GRIK2: variants seen among roughly 807,000 people sequenced by gnomAD.
GRIK2 encodes the protein glutamate ionotropic receptor kainate type subunit 2, also known as glutamate receptor ionotropic, kainate 2.
Under a neutral mutation model 100.3 loss-of-function variants are expected in GRIK2, and 32 were observed. The ratio of observed to expected loss-of-function variants is 0.32; its 90% CI spans 0.24 to 0.43. The LOEUF is 0.43. GRIK2 is among the 20% of genes least tolerant of loss of function. The probability of loss-of-function intolerance (pLI) is 1.00; values close to 1 mark genes in which losing one functional copy is unlikely to be tolerated. For synonymous variants in GRIK2, 417 were observed against 389.4 expected (o/e 1.07, Z -0.83); for missense variants, 843 against 1,114.9 (o/e 0.76, Z 3.47).
rs1277326526 is a variant in GRIK2, at chr6:101,955,611, TCTCTC to T, written c.2085+26981_2085+26985del. 3.5e-5 allele frequency among the ~76,000 whole-genome samples: 4 copies of T among 115,602 alleles called. No homozygotes were observed. The East Asian group carries it at 9.6e-4, about 28-fold the overall frequency. The allele number at this position is 115,602 out of a possible 152,430, so 75.8% of individuals were successfully genotyped here. ...CTCTCTCTCTCTCTCTCTCTCTCTC[TCTCTC>T]CCCCCCATTTCTTTTACAGTCAGAT... is the stretch of plus-strand genomic sequence containing the variant. On this transcript the variant is annotated intron_variant, in intron 14 of 16. Transcript: ENST00000369134.
intron 14 of GRIK2, among the ~76,000 whole-genome samples, chr6:102,021,520 C>T (rs1423987187): frequency 6.6e-6 from 1 of 151,368 alleles, no homozygotes; most frequent in Non-Finnish European, 1.5e-5. Context: ...TATTCAATAG[C>T]TTTCAGGTAG....
At chr6:101,785,204 A>G (rs574185394) in intron 7 of GRIK2, among the ~76,000 whole-genome samples, 3 of 151,778 alleles carry the variant, frequency 2.0e-5, no homozygotes, top group Non-Finnish European at 2.9e-5. Flanking sequence ...TATTCTGAAT[A>G]TTGATCCCAT....
chr6:101,502,145 T>C (rs1338963887), intron 2 of GRIK2, among the ~76,000 whole-genome samples: 3 of 152,102 alleles, frequency 2.0e-5, no homozygotes, highest in Non-Finnish European at 4.4e-5. Context: ...ATTAATGAAA[T>C]TGATATAGGG....
chr6:101,474,108 G>A (rs1020181855), intron 2 of GRIK2, among the ~76,000 whole-genome samples: 1 of 151,850 alleles, frequency 6.6e-6, no homozygotes, highest in Non-Finnish European at 1.5e-5. Flanking sequence ...TTGGAGTGAA[G>A]AGACAGAAAA....
chr6:102,006,388 ATAT>A (rs1204413772), intron 14 of GRIK2, among the ~76,000 whole-genome samples: 20 of 111,900 alleles, frequency 1.8e-4, no homozygotes, highest in African/African-American at 9.6e-4. Flanking sequence ...ATATATATAT[ATAT>A]TTTTTTTTTT....
chr6:101,822,540 C>T (rs1243983673), intron 10 of GRIK2, among the ~76,000 whole-genome samples: 1 of 152,034 alleles, frequency 6.6e-6, no homozygotes, highest in Admixed American at 6.6e-5. Flanking sequence ...GCTAATGCCT[C>T]GATCTGCTTC....
chr6:101,730,983 C>G (rs1775227450), intron 7 of GRIK2, among the ~76,000 whole-genome samples: 1 of 151,878 alleles, frequency 6.6e-6, no homozygotes, highest in South Asian at 2.1e-4. Flanking sequence ...AAAGTGATAT[C>G]AAATCTTATC....
At chr6:101,506,702 T>C (rs1475766210) in intron 2 of GRIK2, among the ~76,000 whole-genome samples, 2 of 152,168 alleles carry the variant, frequency 1.3e-5, no homozygotes. Flanking sequence ...TGTTAGCTCA[T>C]GAAGTATTTT....
At chr6:101,968,826 A>G (rs1041339969) in intron 14 of GRIK2, among the ~76,000 whole-genome samples, 2 of 152,132 alleles carry the variant, frequency 1.3e-5, no homozygotes, top group Middle Eastern at 6.8e-3. Flanking sequence ...AAGACTTCTA[A>G]AATGAGGATA....
intron 2 of GRIK2, among the ~76,000 whole-genome samples, chr6:101,428,353 G>T (rs189107371): frequency 8.5e-5 from 13 of 152,196 alleles, no homozygotes; most frequent in African/African-American, 2.6e-4. Flanking sequence ...CATTTCTACT[G>T]GTTACAGATA....
intron 14 of GRIK2, among the ~76,000 whole-genome samples, chr6:102,030,410 TA>T (rs1769924341): frequency 6.6e-6 from 1 of 151,044 alleles, no homozygotes; most frequent in South Asian, 2.1e-4. Flanking sequence ...CTTTTTATTT[TA>T]TTTTTTTTTT....
chr6:101,491,361 G>A lies in GRIK2; in HGVS notation c.115+91969G>A, dbSNP rs184942772. Among the ~76,000 whole-genome samples the A allele has an allele frequency of 1.9e-3, 290 of 151,584 alleles. 2 individuals carry two copies. Among genetic ancestry groups the A allele is most frequent in the African/African-American group, 6.9e-3 (286 of 41,378 alleles). On this transcript the variant is annotated intron_variant, in intron 2 of 16. Transcript: ENST00000369134. ...TTTATACCGTCAATGTGGATGGCCT[G>A]AAAAACCTCAAGTCAGAAATATAGT...
chr6:101,547,146 G>A (rs947229201), intron 2 of GRIK2, among the ~76,000 whole-genome samples: 1 of 150,452 alleles, frequency 6.6e-6, no homozygotes, highest in Non-Finnish European at 1.5e-5. Flanking sequence ...TGTTTCTTTA[G>A]CTCATGCCTC....
intron 7 of GRIK2, among the ~76,000 whole-genome samples, chr6:101,785,319 C>T (rs1779353258): frequency 6.6e-6 from 1 of 152,046 alleles, no homozygotes; most frequent in South Asian, 2.1e-4. Flanking sequence ...TCCCATATGG[C>T]TTTTTGTGTC....
chr6:101,491,304 A>G (rs1234535862), intron 2 of GRIK2, among the ~76,000 whole-genome samples: 1 of 151,610 alleles, frequency 6.6e-6, no homozygotes, highest in Non-Finnish European at 1.5e-5. Flanking sequence ...CCAAACAAAC[A>G]AAAGAAACCT....
chr6:102,038,336 C>A (rs1770382959), intron 15 of GRIK2, among the ~76,000 whole-genome samples: 1 of 151,214 alleles, frequency 6.6e-6, no homozygotes. Flanking sequence ...ATAAATTAAC[C>A]CATGTTTTAG....
rs536824314 is a variant in GRIK2, at chr6:101,527,735, T to C, written c.116-94214T>C. Among the ~76,000 whole-genome samples the C allele has an allele frequency of 2.6e-5, 4 of 152,252 alleles. No homozygotes were observed. In the South Asian group the frequency reaches 8.3e-4, roughly 32 times the overall value. ...AAGAGCTTGTTCAAGGGCTATACTT[T>C]AGAGGTACAGTCTAGTATGCACAAC... is the stretch of plus-strand genomic sequence containing the variant. On this transcript the variant is annotated intron_variant, in intron 2 of 16. Coordinates refer to ENST00000369134, the MANE Select transcript of GRIK2 (RefSeq NM_021956.5).
At chr6:101,503,678 T>C (rs1227828716) in intron 2 of GRIK2, among the ~76,000 whole-genome samples, 2 of 152,204 alleles carry the variant, frequency 1.3e-5, no homozygotes, top group East Asian at 3.9e-4. Context: ...ACATTCATGA[T>C]TTATGTAAAT....
chr6:101,556,373 C>T lies in GRIK2; in HGVS notation c.116-65576C>T, dbSNP rs561521622. ...TTTTTGAGACCGAGTCTCGCTCTGT[C>T]GCCCAGGCTGGAGTGCAGTGGCGCG... On this transcript the variant is annotated intron_variant, in intron 2 of 16. Coordinates refer to ENST00000369134, the MANE Select transcript of GRIK2 (RefSeq NM_021956.5). 4.9e-3 allele frequency among the ~76,000 whole-genome samples: 363 copies of T among 74,318 alleles called. 2 individuals carry two copies. Among genetic ancestry groups the T allele is most frequent in the African/African-American group, 0.016 (320 of 19,852 alleles). The allele number at this position is 74,318 out of a possible 152,430, so 48.8% of individuals were successfully genotyped here. A position where few individuals can be genotyped will look rare whatever the true frequency, so the allele number is the denominator to read the frequency against.
Sources: gnomAD v4.1 joint callset for allele counts (sites outside exome capture counted in the v4.1 genomes callset) on GRCh38, gnomAD v4.1.1 for gene constraint, MANE v1.5 for transcripts, NCBI Gene and HGNC (gene_info 2026-07-23, HGNC 2026-07-21) for gene names.